The following PRSS23 variants were observed in gnomAD, a reference collection of about 807,000 sequenced individuals.
The protein encoded by PRSS23 is protease, serine 23.
PRSS23 carries 25 observed loss-of-function variants against 34.7 expected under a neutral mutation model. That is an observed-to-expected ratio of 0.72 (90% CI 0.53 to 1.01). The LOEUF is 1.01. Ranked by LOEUF, PRSS23 falls within the 50% of genes least tolerant of loss-of-function variation. PRSS23 has a pLI of 0.00. For synonymous variants in PRSS23, 176 were observed against 186.6 expected (o/e 0.94, Z 0.46); for missense variants, 445 against 475.6 (o/e 0.94, Z 0.60).
chr11:86,904,408 C>A (rs1039504758), intron 2 of PRSS23, among the ~76,000 whole-genome samples: 1 of 152,124 alleles, frequency 6.6e-6, no homozygotes, highest in Non-Finnish European at 1.5e-5. Context: ...GTGGTTCTAG[C>A]AGTTTAGTCC....
intron 2 of PRSS23, among the ~76,000 whole-genome samples, chr11:86,842,800 T>C (rs987611937): frequency 6.6e-6 from 1 of 152,218 alleles, no homozygotes; most frequent in Non-Finnish European, 1.5e-5. Flanking sequence ...GAACATTCCA[T>C]GCTCATGGGT....
At position 86,794,713 on chromosome 11, in the gene PRSS23, T is replaced by A. The variant is rs536178425; in HGVS notation, c.-14+3518T>A. Among the ~76,000 whole-genome samples the A allele has an allele frequency of 7.9e-5, 12 of 152,312 alleles. No individual in the cohort carries two copies. The East Asian group carries it at 2.1e-3, about 27-fold the overall frequency. On this transcript the variant is annotated intron_variant, in intron 1 of 1. Transcript: ENST00000527521. The stretch of plus-strand genomic sequence containing the variant: ...GAAAGTTTTGAATGTAATACAAATA[T>A]ATTTGTTTTCTGTATTAAGTGCTGT...
At chr11:86,799,687 C>A (rs765015358), upstream of PRSS23, among the ~76,000 whole-genome samples, 1 of 152,074 alleles carries the variant, frequency 6.6e-6, no homozygotes, top group Non-Finnish European at 1.5e-5. Context: ...CCCCGCACAC[C>A]CCCCTACCCT....
chr11:86,805,532 A>G (rs1246818730), intron 1 of PRSS23, among the ~76,000 whole-genome samples: 1 of 152,182 alleles, frequency 6.6e-6, no homozygotes, highest in Non-Finnish European at 1.5e-5. Context: ...GGGCTCAGGG[A>G]CCCTTCCTAT....
At chr11:86,884,011 A>T (rs1190097214) in intron 2 of PRSS23, among the ~76,000 whole-genome samples, 1 of 152,014 alleles carries the variant, frequency 6.6e-6, no homozygotes, top group Non-Finnish European at 1.5e-5. Flanking sequence ...ACCATTATTT[A>T]CCCACTTCCC....
intron 2 of PRSS23, among the ~76,000 whole-genome samples, chr11:86,854,785 C>A (rs939535659): frequency 2.0e-5 from 3 of 152,220 alleles, no homozygotes; most frequent in African/African-American, 7.2e-5. Flanking sequence ...CACCAATGAA[C>A]TTTCTTGGCA....
intron 2 of PRSS23, among the ~76,000 whole-genome samples, chr11:86,901,790 G>A (rs755423047): frequency 1.4e-4 from 21 of 152,106 alleles, no homozygotes; most frequent in African/African-American, 1.9e-4. Flanking sequence ...ATTTTCCAGC[G>A]TTATCCTGAG....
At chr11:86,861,185 C>A (rs73512434) in intron 2 of PRSS23, among the ~76,000 whole-genome samples, 17,980 of 149,708 alleles carry the variant, frequency 0.12, 1,335 homozygotes, top group Non-Finnish European at 0.16. Flanking sequence ...CCCCATGTCA[C>A]GGGGGGTGTC....
chr11:86,823,556 T>C, exon 2 of PRSS23: 3 of 702,574 alleles, frequency 4.3e-6, no homozygotes, highest in South Asian at 1.5e-5. Context: ...GAAAAGACAG[T>C]GTTCTGCTTT....
chr11:86,908,568 C>T (rs1053595264), intron 2 of PRSS23, among the ~76,000 whole-genome samples: 4 of 152,066 alleles, frequency 2.6e-5, no homozygotes, highest in Admixed American at 6.5e-5. Flanking sequence ...GTGAGGGAAG[C>T]AATTGGATAA....
At chr11:86,897,034 T>C (rs1948881626) in intron 2 of PRSS23, among the ~76,000 whole-genome samples, 1 of 152,214 alleles carries the variant, frequency 6.6e-6, no homozygotes, top group African/African-American at 2.4e-5. Flanking sequence ...TTTAAATACA[T>C]GGCCCAATTA....
intron 2 of PRSS23, among the ~76,000 whole-genome samples, chr11:86,918,053 T>A (rs959891513): frequency 6.6e-6 from 1 of 152,358 alleles, no homozygotes; most frequent in East Asian, 1.9e-4. Context: ...AGCTATTTCA[T>A]TTTTAGTAAT....
chr11:86,793,258 T>TA (rs1947962581), intron 1 of PRSS23, among the ~76,000 whole-genome samples: 1 of 152,254 alleles, frequency 6.6e-6, no homozygotes, highest in Non-Finnish European at 1.5e-5. Flanking sequence ...CATATTTAAC[T>TA]ACCTTTTTTT....
intron 2 of PRSS23, among the ~76,000 whole-genome samples, chr11:86,834,826 C>T (rs889768016): frequency 3.9e-5 from 6 of 152,034 alleles, no homozygotes; most frequent in South Asian, 2.1e-4. Context: ...TTCTAGTGCC[C>T]GAGTAAGGGC....
At chr11:86,828,170 G>T (rs867106515) in intron 2 of PRSS23, among the ~76,000 whole-genome samples, 1 of 152,178 alleles carries the variant, frequency 6.6e-6, no homozygotes, top group East Asian at 1.9e-4. Context: ...TTATGAATCT[G>T]GGTGCTCCTG....
chr11:86,830,547 C>A (rs886738228), intron 2 of PRSS23, among the ~76,000 whole-genome samples: 1 of 152,182 alleles, frequency 6.6e-6, no homozygotes, highest in African/African-American at 2.4e-5. Flanking sequence ...AACCTGGTAC[C>A]TCAGATGGAA....
intron 2 of PRSS23, chr11:86,832,403 A>C (rs1217962979): frequency 5.8e-6 from 1 of 173,830 alleles, no homozygotes; most frequent in African/African-American, 2.4e-5. Context: ...TTCATATCCT[A>C]GGGAGCTATT....
At chr11:86,880,891 T>A (rs1448500472) in intron 2 of PRSS23, among the ~76,000 whole-genome samples, 1 of 152,236 alleles carries the variant, frequency 6.6e-6, no homozygotes, top group Non-Finnish European at 1.5e-5. Context: ...ATATCAATCT[T>A]GCATTCTTCA....
intron 2 of PRSS23, among the ~76,000 whole-genome samples, chr11:86,824,656 A>C (rs1948284961): frequency 8.3e-6 from 1 of 120,602 alleles, no homozygotes; most frequent in Non-Finnish European, 1.6e-5. Flanking sequence ...CAGTCCCCAG[A>C]GTGTGATGTT....
Sources: gnomAD v4.1 joint callset for allele counts (sites outside exome capture counted in the v4.1 genomes callset) on GRCh38, gnomAD v4.1.1 for gene constraint, MANE v1.5 for transcripts, NCBI Gene and HGNC (gene_info 2026-07-23, HGNC 2026-07-21) for gene names.